The following AK9 variants were observed in gnomAD, a reference collection of about 807,000 sequenced individuals.
AK9 encodes adenylate kinase 9.
Under a neutral mutation model 239.6 loss-of-function variants are expected in AK9, and 191 were observed. That is an observed-to-expected ratio of 0.80 (90% CI 0.71 to 0.90). The LOEUF (loss-of-function observed/expected upper bound fraction) is 0.90. Among genes scored for constraint, AK9 ranks in the 40% least tolerant of loss-of-function variants. The pLI is 0.00. For missense variants in AK9, 1,995 were observed against 2,214.7 expected (o/e 0.90, Z 1.99); for synonymous variants, 689 against 721.0 (o/e 0.96, Z 0.71).
chr6:109,609,572 G>A (rs1793323736), intron 17 of AK9, among the ~76,000 whole-genome samples: 1 of 152,178 alleles, frequency 6.6e-6, no homozygotes, highest in African/African-American at 2.4e-5. Context: ...TGAAAAGTCT[G>A]TATGGGAAGC....
intron 29 of AK9, among the ~76,000 whole-genome samples, chr6:109,527,165 C>T (rs1780629131): frequency 6.6e-6 from 1 of 152,150 alleles, no homozygotes; most frequent in Non-Finnish European, 1.5e-5. Context: ...GGCTGCCTTA[C>T]AGTCACATTC....
chr6:109,661,578 T>G (rs1800417977), intron 6 of AK9, among the ~76,000 whole-genome samples: 1 of 152,188 alleles, frequency 6.6e-6, no homozygotes, highest in African/African-American at 2.4e-5. Flanking sequence ...ATGTCCACAT[T>G]CACATGTGTG....
intron 1 of AK9, among the ~76,000 whole-genome samples, chr6:109,678,811 C>G (rs560828995): frequency 1.3e-5 from 2 of 152,242 alleles, no homozygotes; most frequent in South Asian, 2.1e-4. Flanking sequence ...GGAGGGTAAG[C>G]TGAAGCGGGG....
At chr6:109,515,339 T>C (rs1779170763) in intron 31 of AK9, among the ~76,000 whole-genome samples, 2 of 152,024 alleles carry the variant, frequency 1.3e-5, no homozygotes, top group African/African-American at 4.8e-5. Flanking sequence ...CAACCTAAGG[T>C]GTGGGTAGGA....
rs1385090140 is a variant in AK9 at position 109,497,556 on chromosome 6, C to T, written c.5224G>A (p.Ala1742Thr). The T allele has an allele frequency of 3.1e-6, 5 of 1,596,382 alleles. No individual in the cohort carries two copies. Among genetic ancestry groups the T allele is most frequent in the Non-Finnish European group, 3.4e-6 (4 of 1,166,950 alleles). The change falls in exon 38 of 41, where the codon GCT becomes ACT. Residue 1742 changes from alanine (A) to threonine (T), a missense_variant. Ala to Thr is a moderately conservative substitution (Grantham distance 58). Coordinates refer to ENST00000424296, the MANE Select transcript of AK9 (RefSeq NM_001145128.3). ...TAGTTAATGCTACCAGGTACTAGAG[C>T]TTCATATCTGGAAGACCAAAAAACA... is the stretch of plus-strand genomic sequence containing the variant. ...TYKDGNQRYE[A>T]LVPGSINYAL...
At chr6:109,678,075 A>G (rs1772025739) in intron 1 of AK9, among the ~76,000 whole-genome samples, 1 of 152,242 alleles carries the variant, frequency 6.6e-6, no homozygotes, top group Non-Finnish European at 1.5e-5. Context: ...TATCTCAAAG[A>G]AAAGGAAATT....
chr6:109,497,176 C>T (rs181777137), intron 38 of AK9, among the ~76,000 whole-genome samples: 42 of 152,062 alleles, frequency 2.8e-4, no homozygotes, highest in African/African-American at 9.2e-4. Flanking sequence ...GACCTTACAC[C>T]CACACACAAT....
rs1362939662 is a variant in AK9, at chr6:109,656,745, T to C, written c.759+11A>G. The C allele has an allele frequency of 6.4e-7, 1 of 1,568,814 alleles. No individual in the cohort carries two copies. Among genetic ancestry groups the C allele is most frequent in the South Asian group, 1.1e-5 (1 of 88,142 alleles). On this transcript the variant is annotated intron_variant, in intron 8 of 40. Coordinates refer to ENST00000424296, the MANE Select transcript of AK9 (RefSeq NM_001145128.3). Reference sequence around the variant, plus strand: ...TCAATATTCATTTTCAGCAATATATTTTGTTCTTACTTCTAAAGTTTGGAG... The same window carrying C: ...TCAATATTCATTTTCAGCAATATATCTTGTTCTTACTTCTAAAGTTTGGAG...
chr6:109,642,527 C>A (rs926857754), intron 9 of AK9, among the ~76,000 whole-genome samples: 1 of 152,148 alleles, frequency 6.6e-6, no homozygotes, highest in African/African-American at 2.4e-5. Flanking sequence ...GTGCAGAGTA[C>A]CAGTTCCCAT....
rs1554245812 is a variant in AK9, at chr6:109,533,449, A to G, written c.3372T>C (p.Asp1124=). 1 of 1,597,532 alleles carries G rather than the reference A, an allele frequency of 6.3e-7. No individual in the cohort carries two copies. Among genetic ancestry groups the G allele is most frequent in the East Asian group, 2.2e-5 (1 of 44,764 alleles). Residue 1124 remains aspartate, a synonymous_variant, in exon 28 of 41, where the codon GAT becomes GAC. Transcript: ENST00000424296. ...EPIRSTGFIL[D]GFPRYPEEAQ... ...CCTCTTCTGGATATCGTGGGAAACC[A>G]TCTAATATAAAACCTGTGGAACTGG...
At chr6:109,570,829 A>G (rs1166933432) in intron 21 of AK9, among the ~76,000 whole-genome samples, 1 of 152,192 alleles carries the variant, frequency 6.6e-6, no homozygotes, top group African/African-American at 2.4e-5. Context: ...ATATGAAGAC[A>G]AGAAGAGCTC....
rs1220846031 is a variant in AK9 at position 109,515,935 on chromosome 6, T to G, written c.3987A>C (p.Ile1329=). 1.3e-6 allele frequency: 2 copies of G among 1,551,774 alleles called. No homozygotes were observed. Among genetic ancestry groups the G allele is most frequent in the Non-Finnish European group, 1.7e-6 (2 of 1,146,894 alleles). The change falls in exon 31 of 41, where the codon ATA becomes ATC. Residue 1329 remains isoleucine (I), a synonymous_variant. Transcript: ENST00000424296. ...GCATTTTCTGGGCAAGGGGTGCTGG[T>G]ATTGGATGACATTTCTCAAAAATGC... ...RASIFEKCHP[I]PAPLAQKMLT...
intron 21 of AK9, among the ~76,000 whole-genome samples, chr6:109,567,977 A>G (rs1171514670): frequency 1.3e-5 from 2 of 152,146 alleles, no homozygotes; most frequent in Admixed American, 6.5e-5. Flanking sequence ...CACAACAAAA[A>G]AAGAGAATTT....
At chr6:109,579,181 T>C (rs563531539) in intron 20 of AK9, among the ~76,000 whole-genome samples, 4 of 152,184 alleles carry the variant, frequency 2.6e-5, no homozygotes, top group Non-Finnish European at 5.9e-5. Context: ...TCTCAACTCC[T>C]GTAGGATGGT....
At chr6:109,664,573 T>C (rs1165805853) in intron 5 of AK9, among the ~76,000 whole-genome samples, 1 of 151,888 alleles carries the variant, frequency 6.6e-6, no homozygotes, top group East Asian at 2.0e-4. Flanking sequence ...TACAGGCGCA[T>C]GCTACCACGC....
In AK9 at chr6:109,551,744, AT is replaced by A. The variant is rs202117427; in HGVS notation, c.2752-1443del. On this transcript the variant is annotated intron_variant, in intron 24 of 40. Transcript: ENST00000424296. ...GGTAAAATCCTTTCAAGTCCTTATAATTTTTTTTCAGTTTTTTATTTCTTCC... is the reference window on the plus strand; with the variant it reads ...GGTAAAATCCTTTCAAGTCCTTATAATTTTTTTCAGTTTTTTATTTCTTCC... Among the ~76,000 whole-genome samples, 608 of 140,842 alleles carry A rather than the reference AT, an allele frequency of 4.3e-3. 5 individuals carry two copies. Among genetic ancestry groups the A allele is most frequent in the African/African-American group, 0.015 (583 of 38,720 alleles). The allele number at this position is 140,842 out of a possible 152,430, so 92.4% of individuals were successfully genotyped here. A position where few individuals can be genotyped will look rare whatever the true frequency, so the allele number is the denominator to read the frequency against.
At chr6:109,547,053 C>T (rs1314535271) in intron 25 of AK9, among the ~76,000 whole-genome samples, 1 of 152,136 alleles carries the variant, frequency 6.6e-6, no homozygotes, top group African/African-American at 2.4e-5. Flanking sequence ...GCAAACCAGA[C>T]TAAGCGGAAA....
At chr6:109,576,054 A>G (rs924767572) in intron 20 of AK9, among the ~76,000 whole-genome samples, 5 of 152,260 alleles carry the variant, frequency 3.3e-5, no homozygotes, top group African/African-American at 7.2e-5. Context: ...TAGCAGTACC[A>G]TGCTGTTTTG....
chr6:109,661,491 C>A (rs1157970564), intron 6 of AK9, among the ~76,000 whole-genome samples: 1 of 152,168 alleles, frequency 6.6e-6, no homozygotes, highest in Admixed American at 6.5e-5. Flanking sequence ...TCAATTAGAT[C>A]TTAATTTTCT....
Sources: gnomAD v4.1 joint callset for allele counts (sites outside exome capture counted in the v4.1 genomes callset) on GRCh38, gnomAD v4.1.1 for gene constraint, MANE v1.5 for transcripts, NCBI Gene and HGNC (gene_info 2026-07-23, HGNC 2026-07-21) for gene names.